Variants in PSKH2 observed in about 807,000 individuals in gnomAD.
The protein encoded by PSKH2 is protein serine kinase H2, also known as serine/threonine-protein kinase H2.
PSKH2 carries 16 observed loss-of-function variants against 22.5 expected under a neutral mutation model. The observed-to-expected ratio is 0.71, with a 90% confidence interval of 0.48 to 1.08. The LOEUF is 1.08. Among genes scored for constraint, PSKH2 ranks in the 50% least tolerant of loss-of-function variants. The pLI, the probability that PSKH2 is intolerant of heterozygous loss-of-function variation, is 0.00. For missense variants in PSKH2, 516 were observed against 492.8 expected (o/e 1.05, Z -0.44); for synonymous variants, 188 against 184.8 (o/e 1.02, Z -0.14).
chr8:86,049,689 AG>A (rs1817586447), intron 2 of PSKH2, among the ~76,000 whole-genome samples: 1 of 14,228 alleles, frequency 7.0e-5, no homozygotes, highest in Non-Finnish European at 1.6e-4. Context: ...AAAGAAAGAA[AG>A]AAAGAAAGAA....
rs775284382 is a variant in PSKH2, at chr8:86,048,609, G to A, written c.1011C>T (p.Ser337=). The part of the protein sequence containing the change: ...SSMKNLQRAI[S]RNLMQRASPH... ...GAGAGGCCCTCTGCATGAGGTTTCG[G>A]GATATGGCCCTCTGGAGATTCTTCA... The change falls in exon 3 of 3, where the codon TCC becomes TCT. Residue 337 remains serine (S), a synonymous_variant. Coordinates refer to ENST00000276616, the MANE Select transcript of PSKH2 (RefSeq NM_033126.3). 5 of 1,613,984 alleles carry A rather than the reference G, an allele frequency of 3.1e-6. No homozygotes were observed. Among genetic ancestry groups the A allele is most frequent in the African/African-American group, 1.3e-5 (1 of 74,872 alleles).
chr8:86,056,546 C>T (rs1288052561), intron 2 of PSKH2, among the ~76,000 whole-genome samples: 1 of 152,054 alleles, frequency 6.6e-6, no homozygotes, highest in African/African-American at 2.4e-5. Flanking sequence ...TTAAAAGGTG[C>T]ACTTGATAAA....
chr8:86,061,682 A>T (rs1349993472), intron 2 of PSKH2, among the ~76,000 whole-genome samples: 1 of 152,200 alleles, frequency 6.6e-6, no homozygotes, highest in Non-Finnish European at 1.5e-5. Flanking sequence ...AGAAAGAATG[A>T]GAGAGAAAGG....
upstream of PSKH2, chr8:86,069,694 A>G: frequency 2.1e-6 from 3 of 1,405,808 alleles, no homozygotes; most frequent in Non-Finnish European, 2.8e-6. Context: ...TCCGCCCTTT[A>G]TCAAAGAGCA....
At chr8:86,065,564 C>T (rs1817843763) in intron 1 of PSKH2, among the ~76,000 whole-genome samples, 1 of 152,170 alleles carries the variant, frequency 6.6e-6, no homozygotes, top group Non-Finnish European at 1.5e-5. Flanking sequence ...GCACATCCTG[C>T]ACATGTACCC....
intron 2 of PSKH2, among the ~76,000 whole-genome samples, chr8:86,062,961 T>C (rs1368177159): frequency 6.6e-6 from 1 of 152,202 alleles, no homozygotes; most frequent in Non-Finnish European, 1.5e-5. Context: ...CATTTTTGTG[T>C]TCATTTGCAT....
intron 2 of PSKH2, among the ~76,000 whole-genome samples, chr8:86,057,845 G>A (rs1379666152): frequency 6.6e-6 from 1 of 152,078 alleles, no homozygotes; most frequent in Non-Finnish European, 1.5e-5. Context: ...GTTTTCCTAA[G>A]CAATGATAGA....
chr8:86,048,393 G>T lies in PSKH2; in HGVS notation c.*69C>A. On this transcript the variant is annotated 3_prime_UTR_variant, in exon 3 of 3. Transcript: ENST00000276616. The stretch of plus-strand genomic sequence containing the variant: ...TACCATGGAGTCCCGTGTCTTTGGA[G>T]CTTGAGGGTGCCCTAATCATGATGA... 1.7e-6 allele frequency: 2 copies of T among 1,158,260 alleles called. No individual in the cohort carries two copies. The highest frequency in any genetic ancestry group is 2.5e-6 in the Non-Finnish European group (2 of 798,104). 71.7% of individuals were successfully genotyped at this position (1,158,260 alleles called of 1,614,324 possible). A position where few individuals can be genotyped will look rare whatever the true frequency, so the allele number is the denominator to read the frequency against.
chr8:86,060,752 A>G (rs1817766348), intron 2 of PSKH2, among the ~76,000 whole-genome samples: 1 of 152,194 alleles, frequency 6.6e-6, no homozygotes, highest in African/African-American at 2.4e-5. Flanking sequence ...GGAAATCAAG[A>G]TAATATAAAT....
At position 86,048,237 on chromosome 8, in the gene PSKH2, A is replaced by T. The variant is rs1817556731; in HGVS notation, c.*225T>A. The T allele has an allele frequency of 2.3e-6, 1 of 428,724 alleles. No homozygotes were observed. The highest frequency in any genetic ancestry group is 4.2e-6 in the Non-Finnish European group (1 of 240,050). 26.6% of individuals were successfully genotyped at this position (428,724 alleles called of 1,614,324 possible). The stretch of plus-strand genomic sequence containing the variant: ...TCTTATCTATTTATTGTTTCCAGTT[A>T]TCTAAACATAGCTAGTATTTACTAA... On this transcript the variant is annotated 3_prime_UTR_variant, in exon 3 of 3. Coordinates refer to ENST00000276616, the MANE Select transcript of PSKH2 (RefSeq NM_033126.3).
chr8:86,063,314 T>C (rs1027256217), intron 2 of PSKH2, among the ~76,000 whole-genome samples: 1 of 152,248 alleles, frequency 6.6e-6, no homozygotes, highest in South Asian at 2.1e-4. Flanking sequence ...CTGCTGTACA[T>C]GAAATGAATT....
chr8:86,069,726 G>T (rs1457966459), upstream of PSKH2: 1 of 1,313,678 alleles, frequency 7.6e-7, no homozygotes. Context: ...CGGGACCCTC[G>T]GAAAGAAACC....
At chr8:86,055,250 A>C (rs1162440758) in intron 2 of PSKH2, among the ~76,000 whole-genome samples, 1 of 152,196 alleles carries the variant, frequency 6.6e-6, no homozygotes, top group Non-Finnish European at 1.5e-5. Flanking sequence ...GTCAAGATAC[A>C]ACCTAATCAA....
intron 2 of PSKH2, among the ~76,000 whole-genome samples, chr8:86,060,697 G>C (rs556516561): frequency 1.3e-5 from 2 of 152,294 alleles, no homozygotes; most frequent in African/African-American, 4.8e-5. Context: ...GATATCAAAA[G>C]AAATGTTAAT....
rs1252226735 is a variant in PSKH2 at position 86,049,000 on chromosome 8, C to A, written c.853-233G>T. On this transcript the variant is annotated intron_variant, in intron 2 of 2. Transcript: ENST00000276616. ...AAAGACAAACACAAACACAGAAATTCTCTTCCAAACTCTTTGTCCAATGAG... is the reference window on the plus strand; with the variant it reads ...AAAGACAAACACAAACACAGAAATTATCTTCCAAACTCTTTGTCCAATGAG... Among the ~76,000 whole-genome samples, 6 of 152,162 alleles carry A rather than the reference C, an allele frequency of 3.9e-5. No homozygotes were observed. In the East Asian group the frequency reaches 5.8e-4, roughly 15 times the overall value.
chr8:86,053,913 G>T (rs750413011), intron 2 of PSKH2, among the ~76,000 whole-genome samples: 12 of 151,998 alleles, frequency 7.9e-5, no homozygotes, highest in Non-Finnish European at 1.2e-4. Flanking sequence ...GACACGCAGC[G>T]GTAGTCCCAG....
chr8:86,067,894 T>C (rs1303841421), intron 1 of PSKH2, among the ~76,000 whole-genome samples: 1 of 152,208 alleles, frequency 6.6e-6, no homozygotes, highest in African/African-American at 2.4e-5. Flanking sequence ...ACTCATTGGT[T>C]AAAGATGAGC....
At chr8:86,057,160 G>A (rs1817710111) in intron 2 of PSKH2, among the ~76,000 whole-genome samples, 1 of 151,882 alleles carries the variant, frequency 6.6e-6, no homozygotes, top group African/African-American at 2.4e-5. Flanking sequence ...TTGGGCTCGG[G>A]TGATCCTCCC....
intron 2 of PSKH2, among the ~76,000 whole-genome samples, chr8:86,049,758 A>G (rs1407384337): frequency 7.6e-6 from 1 of 130,730 alleles, no homozygotes; most frequent in African/African-American, 3.2e-5. Flanking sequence ...AACGAAAGAA[A>G]GAAAGAAAGA....
Sources: gnomAD v4.1 joint callset for allele counts (sites outside exome capture counted in the v4.1 genomes callset) on GRCh38, gnomAD v4.1.1 for gene constraint, MANE v1.5 for transcripts, NCBI Gene and HGNC (gene_info 2026-07-23, HGNC 2026-07-21) for gene names.